The following CEP112 variants were observed in gnomAD, a reference collection of about 807,000 sequenced individuals.
CEP112 encodes centrosomal protein of 112 kDa.
Under a neutral mutation model 153.0 loss-of-function variants are expected in CEP112, and 127 were observed. That is an observed-to-expected ratio of 0.83 (90% CI 0.72 to 0.96). CEP112 has a LOEUF of 0.96. CEP112 is among the 40% of genes least tolerant of loss of function. CEP112 has a pLI of 0.00. For synonymous variants in CEP112, 358 were observed against 374.4 expected, an observed-to-expected ratio of 0.96 and a Z score of 0.51; for missense variants, 1,089 against 1,101.2, an observed-to-expected ratio of 0.99 and a Z score of 0.16.
At chr17:65,730,041 C>G (rs2050413946) in intron 23 of CEP112, among the ~76,000 whole-genome samples, 1 of 152,230 alleles carries the variant, frequency 6.6e-6, no homozygotes, top group African/African-American at 2.4e-5. Context: ...CACCTGTGTT[C>G]TTTTGATCAC....
intron 17 of CEP112, among the ~76,000 whole-genome samples, chr17:65,973,173 C>T (rs1599219759): frequency 6.6e-6 from 1 of 152,180 alleles, no homozygotes; most frequent in Non-Finnish European, 1.5e-5. Flanking sequence ...AGAAGAAAAC[C>T]TTTGTGACCT....
intron 21 of CEP112, among the ~76,000 whole-genome samples, chr17:65,799,709 CA>C (rs1441730305): frequency 6.6e-6 from 1 of 152,196 alleles, no homozygotes; most frequent in East Asian, 1.9e-4. Flanking sequence ...CTTTCTGAAA[CA>C]GAAAGCCACA....
chr17:65,727,884 A>G lies in CEP112; in HGVS notation c.2607+15184T>C, dbSNP rs183349848. Among the ~76,000 whole-genome samples, 204 of 152,352 alleles carry G rather than the reference A, an allele frequency of 1.3e-3. 2 individuals carry two copies. In the Middle Eastern group the frequency reaches 0.014, roughly 10 times the overall value. ...GAAAAGGAGAAGCAAAGCCCAGGAC[A>G]TAGACTCGAGGAACACCCACTGGGA... On this transcript the variant is annotated intron_variant, in intron 23 of 26. Transcript: ENST00000535342.
chr17:65,817,918 T>G (rs1412706957), intron 21 of CEP112, among the ~76,000 whole-genome samples: 1 of 151,932 alleles, frequency 6.6e-6, no homozygotes, highest in African/African-American at 2.4e-5. Context: ...TGGGGTTATT[T>G]TATTCTTAGC....
intron 11 of CEP112, among the ~76,000 whole-genome samples, chr17:66,058,922 GC>G (rs774697393): frequency 2.0e-5 from 3 of 152,040 alleles, no homozygotes; most frequent in Non-Finnish European, 2.9e-5. Context: ...ATGTTATAAG[GC>G]TACAATAACC....
At chr17:65,946,382 C>T (rs920841331) in intron 18 of CEP112, among the ~76,000 whole-genome samples, 2 of 151,994 alleles carry the variant, frequency 1.3e-5, no homozygotes, top group African/African-American at 4.8e-5. Flanking sequence ...GATTCTTTTT[C>T]CCCCCATATG....
intron 6 of CEP112, among the ~76,000 whole-genome samples, chr17:66,101,396 C>A (rs934561082): frequency 1.3e-5 from 2 of 151,878 alleles, no homozygotes; most frequent in African/African-American, 4.8e-5. Flanking sequence ...ATTCAGTAGA[C>A]TCTATTAGAG....
At chr17:66,179,860 A>G (rs1231883544) in intron 2 of CEP112, among the ~76,000 whole-genome samples, 2 of 152,032 alleles carry the variant, frequency 1.3e-5, no homozygotes, top group Non-Finnish European at 2.9e-5. Flanking sequence ...GAGGACTGTT[A>G]CTTTGATACC....
intron 21 of CEP112, among the ~76,000 whole-genome samples, chr17:65,764,237 G>T (rs1221919619): frequency 6.6e-6 from 1 of 152,126 alleles, no homozygotes; most frequent in East Asian, 1.9e-4. Flanking sequence ...TTGGTATTTT[G>T]TTGCTGTTGG....
chr17:66,183,230 T>C lies in CEP112; in HGVS notation c.70A>G (p.Met24Val), dbSNP rs747258738. ...DAEFDHFVVDMKPFVLKLPHR... is the reference protein window; with the variant it reads ...DAEFDHFVVDVKPFVLKLPHR... ...GGTAATTTTAGAACAAAGGGCTTCA[T>C]ATCAACCACAAAGTGATCAAATTCT... The change falls in exon 2 of 27, where the codon ATG becomes GTG. Residue 24 changes from methionine to valine, a missense_variant. Met to Val is a conservative substitution (Grantham distance 21). Coordinates refer to ENST00000535342, the MANE Select transcript of CEP112 (RefSeq NM_001199165.4). 2 of 1,611,254 alleles carry C rather than the reference T, an allele frequency of 1.2e-6. No homozygotes were observed. Among genetic ancestry groups the C allele is most frequent in the Non-Finnish European group, 1.7e-6 (2 of 1,178,664 alleles).
intron 16 of CEP112, among the ~76,000 whole-genome samples, chr17:66,009,301 A>T (rs1235168966): frequency 6.6e-6 from 1 of 151,528 alleles, no homozygotes; most frequent in Non-Finnish European, 1.5e-5. Context: ...TTCCCTGATG[A>T]TTAGTGATGT....
chr17:65,643,943 T>C (rs1490133873), intron 24 of CEP112, among the ~76,000 whole-genome samples: 1 of 152,116 alleles, frequency 6.6e-6, no homozygotes, highest in Non-Finnish European at 1.5e-5. Flanking sequence ...CCTACAGAAA[T>C]TCCTCAATCT....
chr17:65,970,460 GCACACATGCATGTATATTACATGC>G lies in CEP112; in HGVS notation c.1737-8886_1737-8863del, dbSNP rs2062675813. On this transcript the variant is annotated intron_variant, in intron 17 of 26. Transcript: ENST00000535342. ...CATCATGCATGTATATTACATGCAT[GCACACATGCATGTATATTACATGC>G]ATGCACACTACATGCATATTATATG... 9.8e-5 allele frequency among the ~76,000 whole-genome samples: 5 copies of G among 51,096 alleles called. No individual in the cohort carries two copies. In the Admixed American group the frequency reaches 1.3e-3, roughly 13 times the overall value. The allele number at this position is 51,096 out of a possible 152,430, so 33.5% of individuals were successfully genotyped here. A position where few individuals can be genotyped will look rare whatever the true frequency, so the allele number is the denominator to read the frequency against.
chr17:65,968,356 A>G (rs2144865993), intron 17 of CEP112, among the ~76,000 whole-genome samples: 1 of 152,300 alleles, frequency 6.6e-6, no homozygotes, highest in East Asian at 1.9e-4. Context: ...ACTGGAAAAT[A>G]TTCTCACTTA....
At chr17:66,183,096 AT>A in intron 2 of CEP112, 97 bp downstream of exon 2, 1 of 801,036 alleles carries the variant, frequency 1.2e-6, no homozygotes, top group Non-Finnish European at 1.9e-6. Flanking sequence ...TACTAGAGAA[AT>A]TCAGTTTTTC....
At chr17:65,873,828 G>A (rs2058739788) in intron 20 of CEP112, among the ~76,000 whole-genome samples, 1 of 152,074 alleles carries the variant, frequency 6.6e-6, no homozygotes, top group Non-Finnish European at 1.5e-5. Flanking sequence ...AAGTGTTTTT[G>A]TTTGGTTTTT....
At chr17:65,802,182 A>G (rs1409072086) in intron 21 of CEP112, among the ~76,000 whole-genome samples, 1 of 152,180 alleles carries the variant, frequency 6.6e-6, no homozygotes, top group Non-Finnish European at 1.5e-5. Flanking sequence ...AAATGCCTGC[A>G]AACAATAAGT....
At chr17:65,969,353 A>C (rs1186960287) in intron 17 of CEP112, among the ~76,000 whole-genome samples, 2 of 152,296 alleles carry the variant, frequency 1.3e-5, no homozygotes, top group East Asian at 3.9e-4. Context: ...ATTATGAAAA[A>C]TATTTAAGAT....
intron 20 of CEP112, among the ~76,000 whole-genome samples, chr17:65,881,228 C>G (rs1303182499): frequency 1.3e-5 from 2 of 152,062 alleles, no homozygotes; most frequent in African/African-American, 2.4e-5. Flanking sequence ...AACAAATAAA[C>G]AAACACCCAA....
Sources: gnomAD v4.1 joint callset for allele counts (sites outside exome capture counted in the v4.1 genomes callset) on GRCh38, gnomAD v4.1.1 for gene constraint, MANE v1.5 for transcripts, NCBI Gene and HGNC (gene_info 2026-07-23, HGNC 2026-07-21) for gene names.